PERP: variants seen among roughly 807,000 people sequenced by gnomAD.
The protein encoded by PERP is p53 apoptosis effector related to PMP22.
Under a neutral mutation model 20.3 loss-of-function variants are expected in PERP, and 11 were observed. That is an observed-to-expected ratio of 0.54 (90% CI 0.34 to 0.90). The LOEUF (loss-of-function observed/expected upper bound fraction) is 0.90, where lower values mean the gene tolerates loss of function less well. Ranked by LOEUF, PERP falls within the 40% of genes least tolerant of loss-of-function variation. The pLI, the probability that PERP is intolerant of heterozygous loss-of-function variation, is 0.02. For synonymous variants in PERP, 101 were observed against 102.0 expected, an observed-to-expected ratio of 0.99 and a Z score of 0.06; for missense variants, 224 against 249.4, an observed-to-expected ratio of 0.90 and a Z score of 0.69.
At position 138,099,412 on chromosome 6, in the gene PERP, CT is replaced by C. The variant is rs551202068; in HGVS notation, c.215-2919del. 2.6e-5 allele frequency among the ~76,000 whole-genome samples: 4 copies of C among 151,844 alleles called. No homozygotes were observed. In the East Asian group the frequency reaches 5.8e-4, roughly 22 times the overall value. On this transcript the variant is annotated intron_variant, in intron 1 of 2. Transcript: ENST00000421351. The stretch of plus-strand genomic sequence containing the variant: ...AATAGTTAAATCAAATAAGCAAAAA[CT>C]TTTTTTTAATTTTATGAGTTCAGAA...
In PERP at chr6:138,107,130, A is replaced by G; in HGVS notation, c.211T>C (p.Tyr71His). The stretch of plus-strand genomic sequence containing the variant: ...GGCGGCGGCGGCGGGCACTCACCGT[A>G]CTCCATGAGGCTCTGACAGCCCTCC... Reference protein sequence around the residue: ...YEEGCQSLMEYAWGRAAAAML... With the variant: ...YEEGCQSLMEHAWGRAAAAML... Residue 71 changes from tyrosine to histidine, a missense_variant, in exon 1 of 3, where the codon TAC becomes CAC. Coordinates refer to ENST00000421351, the MANE Select transcript of PERP (RefSeq NM_022121.5). The surrounding 1 kb of genome is among the most constrained non-coding windows in gnomAD (Gnocchi z 4.8). The G allele has an allele frequency of 6.2e-7, 1 of 1,601,610 alleles. No homozygotes were observed. Among genetic ancestry groups the G allele is most frequent in the Non-Finnish European group, 8.5e-7 (1 of 1,174,564 alleles).
intron 1 of PERP, among the ~76,000 whole-genome samples, chr6:138,105,292 C>A (rs1372478432): frequency 2.6e-5 from 4 of 152,116 alleles, no homozygotes; most frequent in African/African-American, 7.2e-5. Context: ...TTCCAAGGAC[C>A]AATTTCTATG....
chr6:138,100,011 C>G (rs1206643056), intron 1 of PERP, among the ~76,000 whole-genome samples: 1 of 152,180 alleles, frequency 6.6e-6, no homozygotes, highest in African/African-American at 2.4e-5. Flanking sequence ...CACAGAAACA[C>G]CCACATTGAA....
chr6:138,096,207 C>G, intron 2 of PERP, 147 bp downstream of exon 2: 1 of 1,048,698 alleles, frequency 9.5e-7, no homozygotes, highest in Non-Finnish European at 1.4e-6. Flanking sequence ...AAACACATCT[C>G]TCCTCTGTTA....
chr6:138,097,892 G>A (rs1365366843), intron 1 of PERP, among the ~76,000 whole-genome samples: 1 of 152,114 alleles, frequency 6.6e-6, no homozygotes, highest in Non-Finnish European at 1.5e-5. Flanking sequence ...CCCATTAGCA[G>A]TCACCCTCCA....
chr6:138,097,775 C>A (rs1368023998), intron 1 of PERP, among the ~76,000 whole-genome samples: 1 of 152,070 alleles, frequency 6.6e-6, no homozygotes, highest in Non-Finnish European at 1.5e-5. Context: ...TAAAGTTCGC[C>A]CTTTTAAAGT....
At chr6:138,093,231 A>G (rs1188271308) in intron 2 of PERP, among the ~76,000 whole-genome samples, 1 of 152,078 alleles carries the variant, frequency 6.6e-6, no homozygotes, top group East Asian at 1.9e-4. Flanking sequence ...CTTTCACCAT[A>G]AGACACTACT....
At chr6:138,106,300 G>C (rs1311882564) in intron 1 of PERP, among the ~76,000 whole-genome samples, 1 of 152,092 alleles carries the variant, frequency 6.6e-6, no homozygotes, top group African/African-American at 2.4e-5. Flanking sequence ...GAAAGGAGAG[G>C]GGGCTTCCCA....
intron 1 of PERP, among the ~76,000 whole-genome samples, chr6:138,098,559 T>C (rs2114337591): frequency 6.6e-6 from 1 of 152,354 alleles, no homozygotes; most frequent in South Asian, 2.1e-4. Flanking sequence ...TATTTTCTTC[T>C]ACATTCGCAA....
chr6:138,097,962 C>T (rs753217473), intron 1 of PERP, among the ~76,000 whole-genome samples: 2 of 152,098 alleles, frequency 1.3e-5, no homozygotes, highest in South Asian at 4.1e-4. Context: ...ATACCTTTGC[C>T]GATTTTGGAC....
intron 1 of PERP, among the ~76,000 whole-genome samples, chr6:138,106,867 A>C (rs1165610157): frequency 6.6e-6 from 1 of 152,074 alleles, no homozygotes; most frequent in Non-Finnish European, 1.5e-5. Flanking sequence ...TAACCGACAA[A>C]ACCCAGGAAA....
chr6:138,102,272 G>A (rs1270228248), intron 1 of PERP, among the ~76,000 whole-genome samples: 1 of 152,178 alleles, frequency 6.6e-6, no homozygotes, highest in Non-Finnish European at 1.5e-5. Flanking sequence ...ATTCTATACA[G>A]GACAGGGTGA....
chr6:138,092,851 C>T lies in PERP; in HGVS notation c.356-583G>A, dbSNP rs142240596. 2.0e-4 allele frequency among the ~76,000 whole-genome samples: 30 copies of T among 151,688 alleles called. 1 individual carries two copies. The East Asian group carries it at 5.2e-3, about 27-fold the overall frequency. ...AATCCGCAGAGAAGCCTGCAGAGGA[C>T]GCGGAAATCTGAAGAGGAAACAGAC... On this transcript the variant is annotated intron_variant, in intron 2 of 2. Coordinates refer to ENST00000421351, the MANE Select transcript of PERP (RefSeq NM_022121.5).
At chr6:138,101,326 C>T (rs35524498) in intron 1 of PERP, among the ~76,000 whole-genome samples, 33,340 of 151,974 alleles carry the variant, frequency 0.22, 4,323 homozygotes, top group East Asian at 0.6. Flanking sequence ...GCCAAGATTG[C>T]GCCACTGCAC....
chr6:138,096,631 C>T (rs1479465991), intron 1 of PERP, 137 bp from the exon 2 acceptor site: 1 of 945,828 alleles, frequency 1.1e-6, no homozygotes, highest in African/African-American at 1.7e-5. Flanking sequence ...TTTCTTTTGA[C>T]AATACTTGAG....
chr6:138,106,083 A>G (rs923815325), intron 1 of PERP, among the ~76,000 whole-genome samples: 3 of 152,226 alleles, frequency 2.0e-5, no homozygotes, highest in Admixed American at 1.3e-4. Flanking sequence ...GCCCTGGGCC[A>G]CTTCAAAGAA....
chr6:138,096,056 T>A (rs1243595268), intron 2 of PERP, among the ~76,000 whole-genome samples: 1 of 152,036 alleles, frequency 6.6e-6, no homozygotes, highest in South Asian at 2.1e-4. Flanking sequence ...AGGGCTGACA[T>A]AGCCTAGTTT....
In PERP at chr6:138,107,417, A is replaced by T. The variant is rs1775865291; in HGVS notation, c.-77T>A. On this transcript the variant is annotated 5_prime_UTR_variant, in exon 1 of 3. Coordinates refer to ENST00000421351, the MANE Select transcript of PERP (RefSeq NM_022121.5). This position sits in a 1 kb window ranked among gnomAD's most constrained non-coding sequence, Gnocchi z 4.8. ...GCGCGCGGGACGGGCGACAGCAGAG[A>T]GTGGCCTGCGAGCGCGGGCGCCGCC... The T allele has an allele frequency of 3.3e-6, 4 of 1,212,798 alleles. No homozygotes were observed. In the East Asian group the frequency reaches 1.2e-4, roughly 37 times the overall value. The allele number at this position is 1,212,798 out of a possible 1,614,324, so 75.1% of individuals were successfully genotyped here. A position where few individuals can be genotyped will look rare whatever the true frequency, so the allele number is the denominator to read the frequency against.
chr6:138,096,360 A>G lies in PERP; in HGVS notation c.349T>C (p.Leu117=). 1 of 1,613,946 alleles carries G rather than the reference A, an allele frequency of 6.2e-7. No homozygotes were observed. Among genetic ancestry groups the G allele is most frequent in the Non-Finnish European group, 8.5e-7 (1 of 1,179,894 alleles). The change falls in exon 2 of 3, where the codon TTG becomes CTG. Residue 117 remains leucine, a synonymous_variant. Transcript: ENST00000421351. The part of the protein sequence containing the change: ...FLRVIGGLLA[L]AAVFQIISLV... The stretch of plus-strand genomic sequence containing the variant: ...TGCTGACACACAGTCTTACCAGCCA[A>G]GGCAAGGAGACCTCCAATCACTCTC...
Sources: gnomAD v4.1 joint callset for allele counts (sites outside exome capture counted in the v4.1 genomes callset) on GRCh38, gnomAD v4.1.1 for gene constraint, Gnocchi (gnomAD v3.1) non-coding constraint, MANE v1.5 for transcripts, NCBI Gene and HGNC (gene_info 2026-07-23, HGNC 2026-07-21) for gene names.